Variants in SHPRH observed in about 807,000 individuals in gnomAD.
SHPRH encodes E3 ubiquitin-protein ligase SHPRH.
SHPRH carries 106 observed loss-of-function variants against 202.5 expected under a neutral mutation model. The ratio of observed to expected loss-of-function variants is 0.52; its 90% CI spans 0.45 to 0.62. The LOEUF is 0.62. SHPRH is among the 20% of genes least tolerant of loss of function. SHPRH has a pLI of 0.00. For synonymous variants in SHPRH, 729 were observed against 686.0 expected, an observed-to-expected ratio of 1.06 and a Z score of -0.98; for missense variants, 1,710 against 2,020.0, an observed-to-expected ratio of 0.85 and a Z score of 2.94.
intron 23 of SHPRH, among the ~76,000 whole-genome samples, chr6:145,915,555 T>C (rs556157294): frequency 8.2e-4 from 125 of 152,174 alleles, no homozygotes; most frequent in Non-Finnish European, 4.4e-5. Context: ...TTTCTTTAAG[T>C]ATAGAACTCT....
downstream of SHPRH, among the ~76,000 whole-genome samples, chr6:145,882,327 G>T (rs1354284321): frequency 2.6e-5 from 4 of 152,132 alleles, no homozygotes; most frequent in African/African-American, 9.7e-5. Context: ...TATCATGCTG[G>T]CAGAAAATCT....
At position 145,886,645 on chromosome 6, in the gene SHPRH, A is replaced by G. The variant is rs538889538; in HGVS notation, c.*46T>C. The G allele has an allele frequency of 1.9e-6, 3 of 1,600,964 alleles. No individual in the cohort carries two copies. The Admixed American group carries it at 5.3e-5, about 28-fold the overall frequency. ...CTTGTAACTTTGCTCTACAGCTATG[A>G]AAGTTTATTAATACACTAAAGTCCA... On this transcript the variant is annotated 3_prime_UTR_variant, in exon 30 of 30. Transcript: ENST00000275233.
In SHPRH at chr6:145,950,486, T is replaced by A. The variant is rs759488666; in HGVS notation, c.764-4A>T. The A allele has an allele frequency of 6.2e-7, 1 of 1,611,840 alleles. No individual in the cohort carries two copies. The highest frequency in any genetic ancestry group is 2.2e-5 in the East Asian group (1 of 44,864). On this transcript the variant is annotated splice_polypyrimidine_tract_variant and splice_region_variant and intron_variant, in intron 3 of 29. Transcript: ENST00000275233. ...TCTTCATCCTCTTCCAACACATCTG[T>A]ACATCACACAGCAAATGTACTCAAA...
chr6:145,934,720 T>A (rs1785880191), intron 13 of SHPRH, among the ~76,000 whole-genome samples, 187 bp downstream of exon 13: 1 of 149,862 alleles, frequency 6.7e-6, no homozygotes, highest in African/African-American at 2.4e-5. Flanking sequence ...AAAAGAGAAA[T>A]GCTTAAAACC....
chr6:145,930,552 T>C (rs1785331490), intron 14 of SHPRH, among the ~76,000 whole-genome samples: 1 of 152,210 alleles, frequency 6.6e-6, no homozygotes, highest in South Asian at 2.1e-4. Context: ...GTTTTCCTTC[T>C]GTTATTGGTA....
At chr6:145,904,869 A>G (rs1337242150) in intron 25 of SHPRH, 2 of 152,114 alleles carry the variant, frequency 1.3e-5, no homozygotes, top group African/African-American at 4.8e-5. Context: ...AATACTCATG[A>G]AAGACAGCGA....
intron 1 of SHPRH, among the ~76,000 whole-genome samples, chr6:145,959,475 T>C (rs985932570): frequency 6.6e-6 from 1 of 151,102 alleles, no homozygotes; most frequent in African/African-American, 2.4e-5. Flanking sequence ...AGGTGTGTAG[T>C]AGGCTGGCGG....
intron 2 of SHPRH, among the ~76,000 whole-genome samples, chr6:145,864,857 A>G (rs1779700177): frequency 6.6e-6 from 1 of 151,958 alleles, no homozygotes; most frequent in African/African-American, 2.4e-5. Context: ...CAAATGTATT[A>G]ATGCCACTAT....
rs118071848 is a variant in SHPRH at position 145,936,466 on chromosome 6, A to G, written c.2570-1025T>C. On this transcript the variant is annotated intron_variant, in intron 11 of 29. Coordinates refer to ENST00000275233, the MANE Select transcript of SHPRH (RefSeq NM_001042683.3). Reference sequence around the variant, plus strand: ...CTCAGCCTCCCAAGTAGCTGAGATCATAGGTGTGTGCCACCATGCCTGGCT... The same window carrying G: ...CTCAGCCTCCCAAGTAGCTGAGATCGTAGGTGTGTGCCACCATGCCTGGCT... Among the ~76,000 whole-genome samples, 635 of 152,194 alleles carry G rather than the reference A, an allele frequency of 4.2e-3. 18 individuals are homozygous for G. The East Asian group carries it at 0.072, about 17-fold the overall frequency.
intron 14 of SHPRH, among the ~76,000 whole-genome samples, chr6:145,928,177 T>C (rs1383980539): frequency 1.3e-5 from 2 of 152,012 alleles, no homozygotes; most frequent in African/African-American, 4.8e-5. Flanking sequence ...AAGCTGATAG[T>C]TGCGCAGAGA....
At chr6:145,938,277 C>A (rs1786338207) in intron 11 of SHPRH, among the ~76,000 whole-genome samples, 1 of 152,150 alleles carries the variant, frequency 6.6e-6, no homozygotes, top group East Asian at 1.9e-4. Context: ...GTGCTTCTCT[C>A]TATCTCATGT....
chr6:145,947,186 T>C (rs1450729093), intron 6 of SHPRH, among the ~76,000 whole-genome samples: 1 of 152,068 alleles, frequency 6.6e-6, no homozygotes, highest in African/African-American at 2.4e-5. Context: ...GAGACTTTAT[T>C]AGTGACAAAA....
At chr6:145,895,537 G>GT (rs398110798) in intron 25 of SHPRH, among the ~76,000 whole-genome samples, 27,357 of 141,212 alleles carry the variant, frequency 0.19, 2,723 homozygotes, top group Middle Eastern at 0.26. Context: ...AAAACTGTGT[G>GT]TTTTTTTTTT....
Position 145,954,817 on chromosome 6 carries a change from C to T in SHPRH, c.506G>A (p.Ser169Asn). 1.9e-6 allele frequency: 3 copies of T among 1,613,834 alleles called. No individual in the cohort carries two copies. The highest frequency in any genetic ancestry group is 1.7e-6 in the Non-Finnish European group (2 of 1,179,876). Residue 169 changes from serine (S) to asparagine (N), a missense_variant, in exon 2 of 30, where the codon AGT (serine) becomes AAT (asparagine). Transcript: ENST00000275233. ...CACCAGAATACCCTTGTCACAAATA[C>T]TCATCGGTTCTTTTTTTTGTTTCTC... Reference protein sequence around the residue: ...DVEKQKKEPMSICDKGILVES... With the variant: ...DVEKQKKEPMNICDKGILVES...
At chr6:145,891,723 G>A (rs1192202708) in intron 28 of SHPRH, among the ~76,000 whole-genome samples, 1 of 152,142 alleles carries the variant, frequency 6.6e-6, no homozygotes, top group Admixed American at 6.5e-5. Context: ...TCGCCATGGG[G>A]AGGAAGAAGA....
chr6:145,936,982 T>TC (rs1562345124), intron 11 of SHPRH, among the ~76,000 whole-genome samples: 7 of 129,268 alleles, frequency 5.4e-5, no homozygotes, highest in Non-Finnish European at 3.1e-5. Context: ...CTTCATCTTT[T>TC]TTTTTTTTTT....
At chr6:145,924,706 A>T in intron 17 of SHPRH, 33 bp downstream of exon 17, 1 of 1,588,796 alleles carries the variant, frequency 6.3e-7, no homozygotes, top group East Asian at 2.2e-5. Flanking sequence ...TCTGGAGGCA[A>T]ATACAAGTAA....
chr6:145,869,223 A>ATT (rs1042386733), intron 2 of SHPRH, among the ~76,000 whole-genome samples: 2 of 152,182 alleles, frequency 1.3e-5, no homozygotes, highest in African/African-American at 4.8e-5. Context: ...AGCTTTAAGT[A>ATT]TTTTTATGTA....
intron 11 of SHPRH, among the ~76,000 whole-genome samples, chr6:145,937,275 G>A (rs2128771644): frequency 6.6e-6 from 1 of 152,104 alleles, no homozygotes; most frequent in Non-Finnish European, 1.5e-5. Flanking sequence ...TGAGCCACTG[G>A]CCCATGCTTC....
Sources: gnomAD v4.1 joint callset for allele counts (sites outside exome capture counted in the v4.1 genomes callset) on GRCh38, gnomAD v4.1.1 for gene constraint, MANE v1.5 for transcripts, NCBI Gene and HGNC (gene_info 2026-07-23, HGNC 2026-07-21) for gene names.